IL17RA: variants seen among roughly 807,000 people sequenced by gnomAD.
The protein encoded by IL17RA is interleukin-17 receptor A.
Under a neutral mutation model 50.4 loss-of-function variants are expected in IL17RA, and 34 were observed. The observed-to-expected ratio is 0.67, with a 90% CI of 0.51 to 0.90. IL17RA has a LOEUF of 0.90. IL17RA is among the 40% of genes least tolerant of loss of function. IL17RA has a pLI of 0.00. For missense variants in IL17RA, 1,276 were observed against 1,169.8 expected (o/e 1.09, Z -1.32); for synonymous variants, 585 against 510.4 (o/e 1.15, Z -1.97).
chr22:17,091,242 C>T (rs1464939039), intron 1 of IL17RA, among the ~76,000 whole-genome samples: 1 of 152,160 alleles, frequency 6.6e-6, no homozygotes, highest in Non-Finnish European at 1.5e-5. Context: ...CTTTTCATGT[C>T]AACATATCTT....
Position 17,097,715 on chromosome 22 carries a change from G to A in IL17RA, c.164-82G>A, listed in dbSNP as rs1237830427. On this transcript the variant is annotated intron_variant, in intron 2 of 12. Transcript: ENST00000319363. ...GCCGCGGGCCCCTGAGCTGTTTGCT[G>A]TCTAGCTGTCTGTACCTGCTGCTGG... 8.9e-5 allele frequency: 141 copies of A among 1,577,206 alleles called. 1 individual carries two copies. In the East Asian group the frequency reaches 3.1e-3, roughly 34 times the overall value.
At chr22:17,102,636 G>A (rs1165685757) in intron 7 of IL17RA, among the ~76,000 whole-genome samples, 1 of 152,038 alleles carries the variant, frequency 6.6e-6, no homozygotes, top group East Asian at 1.9e-4. Context: ...TAGAGACAAA[G>A]GGGAACTAAA....
rs563863782 is a variant in IL17RA at position 17,105,721 on chromosome 22, G to A, written c.943+119G>A. ...GGCTGAACCGAGGCCAGCCCGGGGTGGGGGGTGAGACCATGGTTTGTCGTG... is the reference window on the plus strand; with the variant it reads ...GGCTGAACCGAGGCCAGCCCGGGGTAGGGGGTGAGACCATGGTTTGTCGTG... On this transcript the variant is annotated intron_variant, in intron 10 of 12. Coordinates refer to ENST00000319363, the MANE Select transcript of IL17RA (RefSeq NM_014339.7). The A allele has an allele frequency of 0.012, 15,388 of 1,277,222 alleles. 388 individuals carry two copies. In the African/African-American group the frequency reaches 0.14, roughly 12 times the overall value. 79.1% of individuals were successfully genotyped at this position (1,277,222 alleles called of 1,614,324 possible).
rs1388331011 is a variant in IL17RA, at chr22:17,110,679, TAGTC to T, written c.*865_*868del. ...CCTCATCTCTACCTAAATTTTTTTT[TAGTC>T]AGTCATGGTGGCACATGCCTGTAGT... On this transcript the variant is annotated 3_prime_UTR_variant, in exon 13 of 13. Coordinates refer to ENST00000319363, the MANE Select transcript of IL17RA (RefSeq NM_014339.7). 2 of 151,874 alleles carry T rather than the reference TAGTC, an allele frequency of 1.3e-5. No homozygotes were observed. The highest frequency in any genetic ancestry group is 1.3e-4 in the Admixed American group (2 of 15,240). The allele number at this position is 151,874 out of a possible 1,614,324, so 9.4% of individuals were successfully genotyped here.
intron 10 of IL17RA, 46 bp from the exon 11 acceptor site, chr22:17,105,807 C>T: frequency 6.5e-7 from 1 of 1,537,016 alleles, no homozygotes; most frequent in Non-Finnish European, 8.9e-7. Flanking sequence ...TCAGGGTGGG[C>T]AGGGCAGGCC....
intron 11 of IL17RA, among the ~76,000 whole-genome samples, chr22:17,107,411 T>C (rs1188082248): frequency 1.3e-5 from 2 of 152,196 alleles, no homozygotes; most frequent in African/African-American, 4.8e-5. Context: ...TGATCCCAAT[T>C]GATTATGTAC....
At chr22:17,086,579 C>A (rs1423700833) in intron 1 of IL17RA, among the ~76,000 whole-genome samples, 2 of 152,094 alleles carry the variant, frequency 1.3e-5, no homozygotes, top group Non-Finnish European at 2.9e-5. Flanking sequence ...GGAACTGGAA[C>A]TATAAATAAA....
At chr22:17,100,814 T>C (rs1568919840) in intron 5 of IL17RA, among the ~76,000 whole-genome samples, 1 of 152,154 alleles carries the variant, frequency 6.6e-6, no homozygotes, top group Non-Finnish European at 1.5e-5. Flanking sequence ...AAGCCACTCG[T>C]GGGGAAGTTG....
chr22:17,095,342 A>G (rs2061364879), intron 1 of IL17RA, among the ~76,000 whole-genome samples: 1 of 152,250 alleles, frequency 6.6e-6, no homozygotes, highest in African/African-American at 2.4e-5. Context: ...ACAGTATTCC[A>G]TAGGGCATAC....
chr22:17,097,153 T>A, intron 2 of IL17RA, 67 bp downstream of exon 2: 1 of 1,479,830 alleles, frequency 6.8e-7, no homozygotes, highest in Non-Finnish European at 9.5e-7. Flanking sequence ...GCTGCCAACT[T>A]CTGACAGAAG....
At chr22:17,108,016 G>A (rs1256003464) in intron 12 of IL17RA, among the ~76,000 whole-genome samples, 1 of 152,240 alleles carries the variant, frequency 6.6e-6, no homozygotes, top group Non-Finnish European at 1.5e-5. Flanking sequence ...CCCTGGAGCA[G>A]ACCAACAGAG....
rs1003987088 is a variant in IL17RA at position 17,113,508 on chromosome 22, A to G, written c.*3688A>G. 1.3e-5 allele frequency: 2 copies of G among 152,230 alleles called. No individual in the cohort carries two copies. Among genetic ancestry groups the G allele is most frequent in the African/African-American group, 4.8e-5 (2 of 41,448 alleles). 9.4% of individuals were successfully genotyped at this position (152,230 alleles called of 1,614,324 possible). On this transcript the variant is annotated 3_prime_UTR_variant, in exon 13 of 13. Coordinates refer to ENST00000319363, the MANE Select transcript of IL17RA (RefSeq NM_014339.7). ...CCACCGTGCCTGGCCTTTCCTGTTT[A>G]TCTTTGAAAATTAAATAGGGCATAA...
chr22:17,103,659 G>A (rs1364755113), intron 8 of IL17RA, 82 bp downstream of exon 8: 16 of 1,077,824 alleles, frequency 1.5e-5, no homozygotes, highest in Non-Finnish European at 2.1e-5. Context: ...AGTGTGCACA[G>A]GTGAAGAGTG....
chr22:17,102,969 C>T (rs2061397184), intron 7 of IL17RA, among the ~76,000 whole-genome samples: 1 of 152,100 alleles, frequency 6.6e-6, no homozygotes, highest in South Asian at 2.1e-4. Context: ...TGATGAAACC[C>T]CATCTCTACT....
intron 1 of IL17RA, among the ~76,000 whole-genome samples, chr22:17,090,560 T>G (rs2061344622): frequency 6.6e-6 from 1 of 152,182 alleles, no homozygotes; most frequent in Admixed American, 6.5e-5. Context: ...CAAATATGAT[T>G]CCTTTAGTTA....
At chr22:17,085,381 A>G in intron 1 of IL17RA, 152 bp downstream of exon 1, 7 of 1,323,370 alleles carry the variant, frequency 5.3e-6, no homozygotes, top group Non-Finnish European at 6.9e-6. Flanking sequence ...TTGGGCACAG[A>G]TATCGCGGCG....
At position 17,113,800 on chromosome 22, in the gene IL17RA, G is replaced by A. The variant is rs1456620132; in HGVS notation, c.*3980G>A. ...CTTACAAAGAAGAGGCAGCAGGGTTGGGGGCTGGCCAGCTGCTCGTCCGCC... is the reference window on the plus strand; with the variant it reads ...CTTACAAAGAAGAGGCAGCAGGGTTAGGGGCTGGCCAGCTGCTCGTCCGCC... On this transcript the variant is annotated 3_prime_UTR_variant, in exon 13 of 13. Transcript: ENST00000319363. The A allele has an allele frequency of 6.6e-6, 1 of 152,342 alleles. No individual in the cohort carries two copies. Among genetic ancestry groups the A allele is most frequent in the African/African-American group, 2.4e-5 (1 of 41,472 alleles). 9.4% of individuals were successfully genotyped at this position (152,342 alleles called of 1,614,324 possible).
chr22:17,103,403 C>G, intron 7 of IL17RA, 91 bp from the exon 8 acceptor site: 1 of 1,002,852 alleles, frequency 1.0e-6, no homozygotes, highest in Non-Finnish European at 1.6e-6. Context: ...GTGCTCTGGA[C>G]AGCCTCTCCA....
In IL17RA at chr22:17,109,911, T is replaced by C; in HGVS notation, c.*91T>C. ...CTGTGTGTACATGTCTGCATGTGTATATGTTCGTGTGTGAAATGTAGGCTT... is the reference window on the plus strand; with the variant it reads ...CTGTGTGTACATGTCTGCATGTGTACATGTTCGTGTGTGAAATGTAGGCTT... On this transcript the variant is annotated 3_prime_UTR_variant, in exon 13 of 13. Coordinates refer to ENST00000319363, the MANE Select transcript of IL17RA (RefSeq NM_014339.7). 8.5e-7 allele frequency: 1 copy of C among 1,172,700 alleles called. No individual in the cohort carries two copies. The highest frequency in any genetic ancestry group is 1.2e-6 in the Non-Finnish European group (1 of 829,884). The allele number at this position is 1,172,700 out of a possible 1,614,324, so 72.6% of individuals were successfully genotyped here. A position where few individuals can be genotyped will look rare whatever the true frequency, so the allele number is the denominator to read the frequency against.
Sources: allele counts gnomAD v4.1 joint callset (sites outside exome capture counted in the v4.1 genomes callset), GRCh38; gene constraint gnomAD v4.1.1; transcripts MANE v1.5; gene names NCBI Gene and HGNC (gene_info 2026-07-23, HGNC 2026-07-21).